The following MLKL variants were observed in gnomAD, a reference collection of about 807,000 sequenced individuals.
The protein encoded by MLKL is mixed lineage kinase domain like pseudokinase, also known as mixed lineage kinase domain-like protein.
A neutral mutation model predicts 56.5 loss-of-function variants in MLKL; 55 were observed. That is an observed-to-expected ratio of 0.97 (90% CI 0.78 to 1.22). The LOEUF is 1.22. Among genes scored for constraint, MLKL ranks in the 50% most tolerant of loss-of-function variants. MLKL has a pLI of 0.00. For missense variants in MLKL, 694 were observed against 573.9 expected (o/e 1.21, Z -2.14); for synonymous variants, 251 against 208.3 (o/e 1.20, Z -1.76).
chr16:74,691,449 A>G lies in MLKL; in HGVS notation c.550T>C (p.Cys184Arg). The G allele has an allele frequency of 1.2e-6, 2 of 1,612,880 alleles. No individual in the cohort carries two copies. Among genetic ancestry groups the G allele is most frequent in the Non-Finnish European group, 1.7e-6 (2 of 1,179,736 alleles). ...TGCTCTTGCGGGATCTCCTGCATGC[A>G]TTTTGGTGGTAAATCTGACCTCACC... is the stretch of plus-strand genomic sequence containing the variant. ...ETLRQYLPPKCMQEIPQEQIK... is the reference protein window; with the variant it reads ...ETLRQYLPPKRMQEIPQEQIK... Residue 184 changes from cysteine to arginine, a missense_variant, in exon 4 of 11, where the codon TGC (cysteine) becomes CGC (arginine). Cys to Arg is a radical substitution (Grantham distance 180). Transcript: ENST00000308807.
At chr16:74,682,875 TAC>T in intron 5 of MLKL, 89 bp from the exon 6 acceptor site, 8 of 1,481,906 alleles carry the variant, frequency 5.4e-6, no homozygotes, top group Non-Finnish European at 6.4e-6. Context: ...TCGGTACAGA[TAC>T]AGACTTGGCT....
intron 6 of MLKL, among the ~76,000 whole-genome samples, chr16:74,680,627 C>T (rs1399944519): frequency 2.0e-5 from 3 of 152,186 alleles, no homozygotes; most frequent in Non-Finnish European, 4.4e-5. Context: ...CTGCCTCAGC[C>T]TTACGAGTAG....
chr16:74,696,120 G>C (rs1165260982), intron 1 of MLKL, among the ~76,000 whole-genome samples: 1 of 152,196 alleles, frequency 6.6e-6, no homozygotes, highest in Non-Finnish European at 1.5e-5. Context: ...TGGATGCGTG[G>C]GGTGAAGCGG....
In MLKL at chr16:74,700,526, T is replaced by C. The variant is rs974160952; in HGVS notation, c.-76A>G. 2 of 152,892 alleles carry C rather than the reference T, an allele frequency of 1.3e-5. No homozygotes were observed. Among genetic ancestry groups the C allele is most frequent in the African/African-American group, 4.8e-5 (2 of 41,484 alleles). 9.5% of individuals were successfully genotyped at this position (152,892 alleles called of 1,614,324 possible). A position where few individuals can be genotyped will look rare whatever the true frequency, so the allele number is the denominator to read the frequency against. On this transcript the variant is annotated 5_prime_UTR_variant, in exon 1 of 11. Coordinates refer to ENST00000308807, the MANE Select transcript of MLKL (RefSeq NM_152649.4). ...CCAAAAAGCTCGCTCTTCCACCTTC[T>C]TTCCCACGACCGCCTCCTGCCCAGG...
chr16:74,680,450 C>T (rs1335476263), intron 6 of MLKL, among the ~76,000 whole-genome samples: 1 of 152,262 alleles, frequency 6.6e-6, no homozygotes, highest in East Asian at 1.9e-4. Flanking sequence ...TTTCTGATTA[C>T]ATCAAGAAGA....
rs1425874189 is a variant in MLKL, at chr16:74,682,789, G to C, written c.821-3C>G. On this transcript the variant is annotated splice_polypyrimidine_tract_variant and splice_region_variant and intron_variant, in intron 5 of 10. Transcript: ENST00000308807. ...AATGGAGAATTGAGGCGGAGTCACT[G>C]GTGGAAAGGAGCCAGACACTATGAG... 57 of 1,613,978 alleles carry C rather than the reference G, an allele frequency of 3.5e-5. No individual in the cohort carries two copies. Among genetic ancestry groups the C allele is most frequent in the Non-Finnish European group, 4.7e-5 (56 of 1,179,952 alleles).
intron 7 of MLKL, chr16:74,678,044 A>C (rs1043829157): frequency 1.3e-5 from 2 of 152,236 alleles, no homozygotes; most frequent in African/African-American, 4.8e-5. Context: ...ATGCCTGCAG[A>C]GTTGTTACCA....
intron 6 of MLKL, among the ~76,000 whole-genome samples, chr16:74,680,584 G>T (rs1223095724): frequency 1.3e-5 from 2 of 152,058 alleles, no homozygotes; most frequent in Non-Finnish European, 1.5e-5. Context: ...TCAGCTCACT[G>T]CAACCTCTGC....
At chr16:74,685,655 C>A in intron 4 of MLKL, 72 bp from the exon 5 acceptor site, 1 of 1,255,922 alleles carries the variant, frequency 8.0e-7, no homozygotes. Flanking sequence ...AGTGTGGTGA[C>A]CCTCTGTGTA....
chr16:74,695,668 G>C lies in MLKL; in HGVS notation c.90C>G (p.Arg30=). The change falls in exon 2 of 11, where the codon CGC becomes CGG. Residue 30 remains arginine (R), a synonymous_variant. Coordinates refer to ENST00000308807, the MANE Select transcript of MLKL (RefSeq NM_152649.4). The stretch of plus-strand genomic sequence containing the variant: ...TCAGGCCGAGGACGCGGTGGCCCAG[G>C]CGCCGGCACTGTTTCTTGCAGTATT... The part of the protein sequence containing the change: ...EMKYCKKQCR[R]LGHRVLGLIK... 1 of 1,614,152 alleles carries C rather than the reference G, an allele frequency of 6.2e-7. No homozygotes were observed. Among genetic ancestry groups the C allele is most frequent in the East Asian group, 2.2e-5 (1 of 44,878 alleles).
At chr16:74,699,136 AAAAG>A (rs1209857345) in intron 1 of MLKL, among the ~76,000 whole-genome samples, 4 of 152,116 alleles carry the variant, frequency 2.6e-5, no homozygotes, top group Admixed American at 6.6e-5. Context: ...AAAACAAAAA[AAAAG>A]AAAGAAAGAA....
rs376547165 is a variant in MLKL, at chr16:74,699,677, G to A, written c.-3+776C>T. On this transcript the variant is annotated intron_variant, in intron 1 of 10. Coordinates refer to ENST00000308807, the MANE Select transcript of MLKL (RefSeq NM_152649.4). ...AGGCCAGCTGCAGTGGCTCACACCT[G>A]TAATCCCAGCACTTTGGGAGGGTGA... Among the ~76,000 whole-genome samples the A allele has an allele frequency of 5.3e-5, 8 of 152,180 alleles. No individual in the cohort carries two copies. In the East Asian group the frequency reaches 1.3e-3, roughly 26 times the overall value.
intron 7 of MLKL, chr16:74,676,236 G>T: frequency 1.0e-6 from 1 of 992,224 alleles, no homozygotes; most frequent in Non-Finnish European, 1.2e-6. Context: ...TTTATGGGGG[G>T]TCAGCCTGAT....
At position 74,674,912 on chromosome 16, in the gene MLKL, G is replaced by T. The variant is rs569003520; in HGVS notation, c.1381+48C>A. 139 of 1,581,888 alleles carry T rather than the reference G, an allele frequency of 8.8e-5. 1 individual carries two copies. In the South Asian group the frequency reaches 1.5e-3, roughly 18 times the overall value. ...GGTGAAAAGGAAATCTTTCACAAGTGTGAAATAATGATGGGGCTCACGCTC... is the reference window on the plus strand; with the variant it reads ...GGTGAAAAGGAAATCTTTCACAAGTTTGAAATAATGATGGGGCTCACGCTC... On this transcript the variant is annotated intron_variant, in intron 10 of 10. Coordinates refer to ENST00000308807, the MANE Select transcript of MLKL (RefSeq NM_152649.4).
chr16:74,672,686 A>T (rs1959305023), intron 10 of MLKL, 148 bp from the exon 11 acceptor site: 1 of 702,608 alleles, frequency 1.4e-6, no homozygotes, highest in Non-Finnish European at 2.5e-6. Context: ...GCACTCACAC[A>T]TTTGGGATAT....
At chr16:74,693,652 G>T (rs1960830592) in intron 2 of MLKL, among the ~76,000 whole-genome samples, 2 of 149,372 alleles carry the variant, frequency 1.3e-5, no homozygotes, top group South Asian at 4.3e-4. Flanking sequence ...GCCCAGGCTG[G>T]AGTGCAGTGG....
At chr16:74,696,974 TGTA>T (rs1488480315) in intron 1 of MLKL, among the ~76,000 whole-genome samples, 65 of 139,844 alleles carry the variant, frequency 4.6e-4, no homozygotes, top group African/African-American at 1.8e-3. Context: ...GTAATATATA[TGTA>T]ATATTACATA....
intron 3 of MLKL, among the ~76,000 whole-genome samples, chr16:74,692,099 G>A (rs576295354): frequency 4.6e-5 from 7 of 152,318 alleles, no homozygotes; most frequent in Non-Finnish European, 1.0e-4. Flanking sequence ...TATTCATAGA[G>A]GTTTTTAAGT....
chr16:74,674,443 G>T (rs577286465), intron 10 of MLKL, among the ~76,000 whole-genome samples: 1 of 151,632 alleles, frequency 6.6e-6, no homozygotes, highest in South Asian at 2.1e-4. Flanking sequence ...ATGAGCCACC[G>T]CGCCTGGCCA....
Sources: allele counts gnomAD v4.1 joint callset (sites outside exome capture counted in the v4.1 genomes callset), GRCh38; gene constraint gnomAD v4.1.1; transcripts MANE v1.5; gene names NCBI Gene and HGNC (gene_info 2026-07-23, HGNC 2026-07-21).